CAMTA1: variants seen among roughly 807,000 people sequenced by gnomAD.
CAMTA1 encodes the protein calmodulin-binding transcription activator 1.
A neutral mutation model predicts 170.9 loss-of-function variants in CAMTA1; 27 were observed. The observed-to-expected ratio is 0.16, with a 90% CI of 0.12 to 0.22. The LOEUF (loss-of-function observed/expected upper bound fraction) is 0.22. Ranked by LOEUF, CAMTA1 falls within the 10% of genes least tolerant of loss-of-function variation. The probability of loss-of-function intolerance (pLI) is 1.00; values close to 1 mark genes in which losing one functional copy is unlikely to be tolerated. For missense variants in CAMTA1, 1,619 were observed against 2,217.2 expected (o/e 0.73, Z 5.42); for synonymous variants, 833 against 891.5 (o/e 0.93, Z 1.17).
chr1:6,802,133 G>T (rs908007301), intron 1 of CAMTA1, among the ~76,000 whole-genome samples: 2 of 152,214 alleles, frequency 1.3e-5, no homozygotes, highest in African/African-American at 4.8e-5. Flanking sequence ...AGAAACTGAA[G>T]TGCAGCTGGG....
chr1:7,248,220 C>T lies in CAMTA1; in HGVS notation c.303-1271C>T, dbSNP rs1666123374. On this transcript the variant is annotated intron_variant, in intron 4 of 22. Transcript: ENST00000303635. This position sits in a 1 kb window ranked among gnomAD's most constrained non-coding sequence, Gnocchi z 4.0. ...GTTCTGTGCTGCTTGTGAAATGGCC[C>T]ATTGTTCGTAGCAAGAAGAAAAGAA... 1.3e-5 allele frequency among the ~76,000 whole-genome samples: 2 copies of T among 152,150 alleles called. No homozygotes were observed. The highest frequency in any genetic ancestry group is 4.8e-5 in the African/African-American group (2 of 41,434).
At chr1:6,957,527 C>T (rs924269296) in intron 3 of CAMTA1, among the ~76,000 whole-genome samples, 1 of 152,144 alleles carries the variant, frequency 6.6e-6, no homozygotes, top group Non-Finnish European at 1.5e-5. Context: ...ACCTGCATCC[C>T]TTGATTGGTG....
intron 10 of CAMTA1, among the ~76,000 whole-genome samples, chr1:7,675,572 C>A (rs1443013588): frequency 6.6e-6 from 1 of 152,164 alleles, no homozygotes; most frequent in East Asian, 1.9e-4. Flanking sequence ...CCCCTGGTTT[C>A]CTGTAGGGGT....
chr1:7,735,835 G>A (rs1005016055), intron 12 of CAMTA1, among the ~76,000 whole-genome samples: 5 of 151,994 alleles, frequency 3.3e-5, no homozygotes, highest in Admixed American at 1.3e-4. Context: ...GCAGTGGCGC[G>A]ATCACAGCTC....
chr1:7,665,075 T>C lies in CAMTA1; in HGVS notation c.2528T>C (p.Met843Thr). The C allele has an allele frequency of 1.3e-6, 2 of 1,558,468 alleles. No individual in the cohort carries two copies. Among genetic ancestry groups the C allele is most frequent in the Non-Finnish European group, 1.7e-6 (2 of 1,152,328 alleles). Residue 843 changes from methionine to threonine, a missense_variant, in exon 9 of 23, where the codon ATG (methionine) becomes ACG (threonine). Around this residue, in one of 8 missense-constraint regions of CAMTA1, gnomAD observed 731 missense variants for 907.6 expected, o/e 0.81. Transcript: ENST00000303635. This position sits in a 1 kb window ranked among gnomAD's most constrained non-coding sequence, Gnocchi z 4.3. ...AGCTCGGAGGGCGGGGCCAGCACCATGGCCTACATGCACGTCGCCGAGGTG... is the reference window on the plus strand; with the variant it reads ...AGCTCGGAGGGCGGGGCCAGCACCACGGCCTACATGCACGTCGCCGAGGTG... ...LSSSEGGAST[M>T]AYMHVAEVVS...
chr1:7,503,050 T>TG (rs1272712300), intron 6 of CAMTA1, among the ~76,000 whole-genome samples: 1 of 151,942 alleles, frequency 6.6e-6, no homozygotes, highest in Non-Finnish European at 1.5e-5. Context: ...GCACACAGAG[T>TG]GGGGTCAGTC....
chr1:6,896,793 G>A (rs145035376), intron 3 of CAMTA1, among the ~76,000 whole-genome samples: 1 of 152,200 alleles, frequency 6.6e-6, no homozygotes, highest in African/African-American at 2.4e-5. Flanking sequence ...GTTTGTTGAA[G>A]TATTTACTTT....
At chr1:7,229,226 T>C (rs1662244893) in intron 4 of CAMTA1, among the ~76,000 whole-genome samples, 1 of 151,522 alleles carries the variant, frequency 6.6e-6, no homozygotes, top group African/African-American at 2.4e-5. Flanking sequence ...CTGGGCCTTC[T>C]GCACGGCTTT....
chr1:7,637,631 A>C (rs956434154), intron 6 of CAMTA1, among the ~76,000 whole-genome samples: 8 of 152,222 alleles, frequency 5.3e-5, no homozygotes, highest in Non-Finnish European at 8.8e-5. Flanking sequence ...TACTTAGGCC[A>C]AGCAAAAAGA....
chr1:7,229,443 G>A (rs1472697982), intron 4 of CAMTA1, among the ~76,000 whole-genome samples: 3 of 114,010 alleles, frequency 2.6e-5, no homozygotes, highest in Admixed American at 2.6e-4. Context: ...GGAGGAGGGG[G>A]GTGTGAAGGG....
intron 5 of CAMTA1, among the ~76,000 whole-genome samples, chr1:7,356,074 T>C (rs1404415692): frequency 6.6e-6 from 1 of 152,176 alleles, no homozygotes; most frequent in Non-Finnish European, 1.5e-5. Flanking sequence ...AATAATGGAA[T>C]GTCAAGGCCA....
chr1:7,260,018 G>A (rs1203970967), intron 5 of CAMTA1, among the ~76,000 whole-genome samples: 1 of 152,190 alleles, frequency 6.6e-6, no homozygotes, highest in Non-Finnish European at 1.5e-5. Flanking sequence ...TTAAAACAAA[G>A]GGCCAGACAG....
rs1301738490 is a variant in CAMTA1 at position 7,337,595 on chromosome 1, A to AGCCTCATCCAATCACAATGTGGGCG, written c.438+87970_438+87971insCCTCATCCAATCACAATGTGGGCGG. Among the ~76,000 whole-genome samples the AGCCTCATCCAATCACAATGTGGGCG allele has an allele frequency of 8.3e-3, 1,027 of 123,458 alleles. 89 individuals are homozygous for AGCCTCATCCAATCACAATGTGGGCG. The highest frequency in any genetic ancestry group is 0.012 in the Admixed American group (149 of 12,322). 81.0% of individuals were successfully genotyped at this position (123,458 alleles called of 152,430 possible). A position where few individuals can be genotyped will look rare whatever the true frequency, so the allele number is the denominator to read the frequency against. On this transcript the variant is annotated intron_variant, in intron 5 of 22. Transcript: ENST00000303635. ...GGCCTCATCCAATCACAGTGTGGGC[A>AGCCTCATCCAATCACAATGTGGGCG]GTGGGCCTCATCCAATCACAATGTG...
chr1:7,210,557 A>C (rs1658573965), intron 4 of CAMTA1, among the ~76,000 whole-genome samples: 1 of 152,196 alleles, frequency 6.6e-6, no homozygotes, highest in Non-Finnish European at 1.5e-5. Context: ...TTCGCATTTT[A>C]TGGAAAAATA....
Position 7,267,601 on chromosome 1 carries a change from G to C in CAMTA1, c.438+17975G>C, listed in dbSNP as rs561104481. Among the ~76,000 whole-genome samples the C allele has an allele frequency of 4.0e-3, 613 of 152,310 alleles. 4 individuals carry two copies. The highest frequency in any genetic ancestry group is 0.014 in the African/African-American group (570 of 41,568). On this transcript the variant is annotated intron_variant, in intron 5 of 22. Transcript: ENST00000303635. ...CTGTTCAGACCTACCAGCAGGCCAAGGGTTTTAGTTCAGAGATTCTGAGCA... is the reference window on the plus strand; with the variant it reads ...CTGTTCAGACCTACCAGCAGGCCAACGGTTTTAGTTCAGAGATTCTGAGCA...
intron 3 of CAMTA1, among the ~76,000 whole-genome samples, chr1:7,077,312 CT>C (rs1639431290): frequency 6.8e-6 from 1 of 147,664 alleles, no homozygotes; most frequent in African/African-American, 2.5e-5. Flanking sequence ...AAGAAGCAGG[CT>C]CTCACACCCT....
intron 12 of CAMTA1, among the ~76,000 whole-genome samples, chr1:7,733,040 A>C (rs1375755159): frequency 1.3e-5 from 2 of 152,042 alleles, no homozygotes. Context: ...TAGAAAAAAA[A>C]AATTTTTTTT....
At position 7,633,702 on chromosome 1, in the gene CAMTA1, G is replaced by C. The variant is rs1163975524; in HGVS notation, c.511-6698G>C. Among the ~76,000 whole-genome samples the C allele has an allele frequency of 6.6e-6, 1 of 152,248 alleles. No homozygotes were observed. The highest frequency in any genetic ancestry group is 6.5e-5 in the Admixed American group (1 of 15,286). On this transcript the variant is annotated intron_variant, in intron 6 of 22. Transcript: ENST00000303635. This position sits in a 1 kb window ranked among gnomAD's most constrained non-coding sequence, Gnocchi z 4.1. Reference sequence around the variant, plus strand: ...CTATGCCCCCGGTTTTCAGTAAGTAGGATGGAGCCCCTGCCATGTGGCTGC... The same window carrying C: ...CTATGCCCCCGGTTTTCAGTAAGTACGATGGAGCCCCTGCCATGTGGCTGC...
At chr1:7,369,731 C>A (rs1212683352) in intron 5 of CAMTA1, among the ~76,000 whole-genome samples, 1 of 152,118 alleles carries the variant, frequency 6.6e-6, no homozygotes, top group Non-Finnish European at 1.5e-5. Context: ...CTTCAGCCTC[C>A]AGCCCTGCCT....
Sources: allele counts gnomAD v4.1 joint callset (sites outside exome capture counted in the v4.1 genomes callset), GRCh38; gene constraint gnomAD v4.1.1; regional missense constraint gnomAD v4.1.1; non-coding constraint Gnocchi (gnomAD v3.1); transcripts MANE v1.5; gene names NCBI Gene and HGNC (gene_info 2026-07-23, HGNC 2026-07-21).